Variants in AP2A2 observed in about 807,000 individuals in gnomAD.
AP2A2 encodes the protein AP-2 complex subunit alpha-2.
A neutral mutation model predicts 104.2 loss-of-function variants in AP2A2; 32 were observed. The ratio of observed to expected loss-of-function variants is 0.31; its 90% CI spans 0.23 to 0.41. AP2A2 has a LOEUF of 0.41. Ranked by LOEUF, AP2A2 falls within the 10% of genes least tolerant of loss-of-function variation. The pLI, the probability that AP2A2 is intolerant of heterozygous loss-of-function variation, is 1.00. For missense variants in AP2A2, 912 were observed against 1,261.0 expected (o/e 0.72, Z 4.19); for synonymous variants, 539 against 533.3 (o/e 1.01, Z -0.15).
intron 15 of AP2A2, 99 bp downstream of exon 15, chr11:1,000,697 G>A (rs748626996): frequency 2.5e-5 from 33 of 1,307,410 alleles, no homozygotes; most frequent in Non-Finnish European, 2.9e-5. Flanking sequence ...GGGCAGCGGA[G>A]TTTACCTCCC....
rs1856105169 is a variant in AP2A2, at chr11:1,003,740, T to C, written c.2142T>C (p.Asn714=). ...CCCCTAGGTTTGTTTGTAAAAACAA[T>C]GGTGTGTTGTTTGAAAACCAGCTGC... is the stretch of plus-strand genomic sequence containing the variant. ...DNFARFVCKN[N]GVLFENQLLQ... The change falls in exon 16 of 22, where the codon AAT becomes AAC. Residue 714 remains asparagine, a synonymous_variant. Coordinates refer to ENST00000448903, the MANE Select transcript of AP2A2 (RefSeq NM_012305.4). 2 of 1,606,844 alleles carry C rather than the reference T, an allele frequency of 1.2e-6. No individual in the cohort carries two copies. Among genetic ancestry groups the C allele is most frequent in the Non-Finnish European group, 1.7e-6 (2 of 1,176,770 alleles).
intron 18 of AP2A2, chr11:1,008,725 A>C: frequency 3.3e-6 from 1 of 298,582 alleles, no homozygotes. Context: ...AGAACTTAAG[A>C]TTGTATACTG....
At chr11:928,112 G>A (rs913146106) in intron 1 of AP2A2, among the ~76,000 whole-genome samples, 1 of 152,226 alleles carries the variant, frequency 6.6e-6, no homozygotes, top group Non-Finnish European at 1.5e-5. Flanking sequence ...CTGTGCCAGG[G>A]CCTGCGTTTG....
intron 18 of AP2A2, chr11:1,008,850 A>G: frequency 1.8e-6 from 1 of 551,482 alleles, no homozygotes; most frequent in South Asian, 2.6e-5. Flanking sequence ...TCTGGGAAAC[A>G]GATGAATGGG....
At chr11:939,788 T>C (rs555366210) in intron 1 of AP2A2, among the ~76,000 whole-genome samples, 2 of 152,134 alleles carry the variant, frequency 1.3e-5, no homozygotes, top group African/African-American at 4.8e-5. Flanking sequence ...TTTTAACTCT[T>C]GCTCAAGTTT....
intron 5 of AP2A2, among the ~76,000 whole-genome samples, chr11:977,682 C>T (rs4074232): frequency 6.6e-6 from 1 of 151,034 alleles, no homozygotes; most frequent in Non-Finnish European, 1.5e-5. Flanking sequence ...GTGAGAGGCA[C>T]GTGTGGGGGA....
intron 1 of AP2A2, among the ~76,000 whole-genome samples, chr11:943,499 C>G (rs1170511613): frequency 1.3e-5 from 2 of 152,218 alleles, no homozygotes; most frequent in African/African-American, 4.8e-5. Context: ...GATTTCATTT[C>G]TGCCTTTTAG....
chr11:972,354 CT>C, intron 4 of AP2A2, 99 bp downstream of exon 4: 1 of 1,281,108 alleles, frequency 7.8e-7, no homozygotes, highest in Non-Finnish European at 1.0e-6. Context: ...ATGTTTTACT[CT>C]CCCCATCTTA....
In AP2A2 at chr11:968,679, C is replaced by T. The variant is rs1003504198; in HGVS notation, c.137-1490C>T. Among the ~76,000 whole-genome samples, 2 of 151,980 alleles carry T rather than the reference C, an allele frequency of 1.3e-5. No individual in the cohort carries two copies. Among genetic ancestry groups the T allele is most frequent in the Non-Finnish European group, 2.9e-5 (2 of 68,008 alleles). On this transcript the variant is annotated intron_variant, in intron 2 of 21. Coordinates refer to ENST00000448903, the MANE Select transcript of AP2A2 (RefSeq NM_012305.4). The surrounding 1 kb of genome is among the most constrained non-coding windows in gnomAD (Gnocchi z 4.2). ...GCTGGGGCTTCCCAGTGGAGGATCTCTGCTGCGCAGCCCGTGCTCAGCTGT... is the reference window on the plus strand; with the variant it reads ...GCTGGGGCTTCCCAGTGGAGGATCTTTGCTGCGCAGCCCGTGCTCAGCTGT...
In AP2A2 at chr11:992,406, G is replaced by A. The variant is rs905457343; in HGVS notation, c.1270-97G>A. On this transcript the variant is annotated intron_variant, in intron 10 of 21. Coordinates refer to ENST00000448903, the MANE Select transcript of AP2A2 (RefSeq NM_012305.4). The surrounding 1 kb of genome is among the most constrained non-coding windows in gnomAD (Gnocchi z 6.4). ...CCCAAACTTTTGTAGACACATTGAG[G>A]TGCTTCTGAAACTCTCACTTTGACT... is the stretch of plus-strand genomic sequence containing the variant. The A allele has an allele frequency of 3.1e-6, 4 of 1,273,492 alleles. No individual in the cohort carries two copies. In the South Asian group the frequency reaches 5.1e-5, roughly 16 times the overall value. 78.9% of individuals were successfully genotyped at this position (1,273,492 alleles called of 1,614,324 possible).
At chr11:1,010,362 G>A (rs1456467718) in intron 21 of AP2A2, 186 bp from the exon 22 acceptor site, 6 of 597,082 alleles carry the variant, frequency 1.0e-5, no homozygotes, top group African/African-American at 3.7e-5. Flanking sequence ...GACGCCAGGC[G>A]CTCCCATGCC....
At chr11:956,290 G>A (rs553916906) in intron 1 of AP2A2, among the ~76,000 whole-genome samples, 15 of 152,090 alleles carry the variant, frequency 9.9e-5, no homozygotes, top group African/African-American at 2.9e-4. Flanking sequence ...AGCCTCCCAA[G>A]TAGCTGGGAT....
chr11:963,672 A>G (rs2134584751), intron 2 of AP2A2, among the ~76,000 whole-genome samples: 1 of 152,324 alleles, frequency 6.6e-6, no homozygotes, highest in East Asian at 1.9e-4. Flanking sequence ...TCTGTTGACC[A>G]GGCTGCCCAG....
chr11:1,008,288 C>T, intron 18 of AP2A2, 153 bp downstream of exon 18: 2 of 1,181,950 alleles, frequency 1.7e-6, no homozygotes, highest in Non-Finnish European at 1.1e-6. Flanking sequence ...TATTGCTGCC[C>T]CCGGCTCTGC....
At chr11:934,473 C>T (rs1351978430) in intron 1 of AP2A2, among the ~76,000 whole-genome samples, 1 of 152,058 alleles carries the variant, frequency 6.6e-6, no homozygotes, top group Non-Finnish European at 1.5e-5. Context: ...CTGGAGTCTT[C>T]ATCTTTGCCT....
At chr11:964,519 G>A (rs1400287751) in intron 2 of AP2A2, among the ~76,000 whole-genome samples, 1 of 152,212 alleles carries the variant, frequency 6.6e-6, no homozygotes, top group African/African-American at 2.4e-5. Flanking sequence ...TGGCCTCAAA[G>A]GGAATTAATT....
intron 1 of AP2A2, chr11:957,095 C>CA (rs1461991691): frequency 6.6e-6 from 1 of 152,216 alleles, no homozygotes; most frequent in African/African-American, 2.4e-5. Flanking sequence ...ATGGACATCT[C>CA]ACGACCCCCT....
In AP2A2 at chr11:977,344, G is replaced by A. The variant is rs906724021; in HGVS notation, c.603+120G>A. 2.4e-5 allele frequency: 32 copies of A among 1,361,542 alleles called. No homozygotes were observed. In the Middle Eastern group the frequency reaches 6.6e-4, roughly 28 times the overall value. The allele number at this position is 1,361,542 out of a possible 1,614,324, so 84.3% of individuals were successfully genotyped here. Reference sequence around the variant, plus strand: ...AGGAGAGGCTGTCACAGGGGCTGCTGTGGCTGCGTGCTGAGGCCACGGGGG... The same window carrying A: ...AGGAGAGGCTGTCACAGGGGCTGCTATGGCTGCGTGCTGAGGCCACGGGGG... On this transcript the variant is annotated intron_variant, in intron 5 of 21. Coordinates refer to ENST00000448903, the MANE Select transcript of AP2A2 (RefSeq NM_012305.4).
intron 1 of AP2A2, chr11:957,002 G>A (rs1265182551): frequency 6.6e-6 from 1 of 152,198 alleles, no homozygotes; most frequent in South Asian, 2.1e-4. Flanking sequence ...GATCCTGCAG[G>A]GGAGTCCCAG....
Sources: gnomAD v4.1 joint callset for allele counts (sites outside exome capture counted in the v4.1 genomes callset) on GRCh38, gnomAD v4.1.1 for gene constraint, Gnocchi (gnomAD v3.1) non-coding constraint, MANE v1.5 for transcripts, NCBI Gene and HGNC (gene_info 2026-07-23, HGNC 2026-07-21) for gene names.